Variants in PTBP2 observed in about 807,000 individuals in gnomAD.
PTBP2 encodes the protein polypyrimidine tract-binding protein 2.
Under a neutral mutation model 61.4 loss-of-function variants are expected in PTBP2, and 13 were observed. The ratio of observed to expected loss-of-function variants is 0.21; its 90% CI spans 0.14 to 0.34. The LOEUF (loss-of-function observed/expected upper bound fraction) is 0.34. Among genes scored for constraint, PTBP2 ranks in the 10% least tolerant of loss-of-function variants. The pLI, the probability that PTBP2 is intolerant of heterozygous loss-of-function variation, is 1.00. For missense variants in PTBP2, 405 were observed against 642.6 expected, an observed-to-expected ratio of 0.63 and a Z score of 4.00; for synonymous variants, 215 against 218.5, an observed-to-expected ratio of 0.98 and a Z score of 0.14.
At chr1:96,757,185 T>G (rs1321987347) in intron 3 of PTBP2, among the ~76,000 whole-genome samples, 2 of 152,168 alleles carry the variant, frequency 1.3e-5, no homozygotes, top group Non-Finnish European at 2.9e-5. Context: ...CAGACTTGAT[T>G]AAAAAGCAAG....
chr1:96,732,868 A>T (rs774765750), intron 2 of PTBP2, among the ~76,000 whole-genome samples: 5 of 152,190 alleles, frequency 3.3e-5, no homozygotes, highest in Non-Finnish European at 5.9e-5. Context: ...AACAGCTTGT[A>T]TATGGATATG....
intron 5 of PTBP2, among the ~76,000 whole-genome samples, chr1:96,777,251 TA>T (rs961466616): frequency 6.6e-6 from 1 of 152,188 alleles, no homozygotes; most frequent in African/African-American, 2.4e-5. Flanking sequence ...TTGTATTCTC[TA>T]AATTTCTGTT....
chr1:96,765,850 A>G (rs144481764), intron 3 of PTBP2, among the ~76,000 whole-genome samples: 173 of 152,322 alleles, frequency 1.1e-3, no homozygotes, highest in Non-Finnish European at 1.9e-3. Context: ...TGGGGAATGA[A>G]TGAGTAATCA....
intron 3 of PTBP2, among the ~76,000 whole-genome samples, chr1:96,760,311 A>G (rs1189946679): frequency 6.6e-6 from 1 of 152,174 alleles, no homozygotes; most frequent in Non-Finnish European, 1.5e-5. Context: ...AGTCAAAACC[A>G]TTAGAGATAG....
At chr1:96,738,218 A>G (rs781756095) in intron 2 of PTBP2, among the ~76,000 whole-genome samples, 5 of 144,910 alleles carry the variant, frequency 3.5e-5, no homozygotes, top group East Asian at 2.1e-4. Flanking sequence ...TAGTTCAACT[A>G]TTATAAAAAG....
intron 4 of PTBP2, among the ~76,000 whole-genome samples, chr1:96,770,287 C>G (rs2101011346): frequency 6.6e-6 from 1 of 151,868 alleles, no homozygotes; most frequent in Middle Eastern, 3.4e-3. Flanking sequence ...TTTAACACTC[C>G]CTTTTATATA....
intron 5 of PTBP2, among the ~76,000 whole-genome samples, chr1:96,774,831 T>TAG (rs1657840985): frequency 6.6e-6 from 1 of 152,202 alleles, no homozygotes; most frequent in Non-Finnish European, 1.5e-5. Context: ...CTTTCTGAGC[T>TAG]TACTACTTTT....
Position 96,770,734 on chromosome 1 carries a change from A to G in PTBP2, c.315A>G (p.Glu105=). 3 of 1,612,068 alleles carry G rather than the reference A, an allele frequency of 1.9e-6. No individual in the cohort carries two copies. ...CATTTTTGGAACTAGCAACCGAGGAAGCAGCTATTACTATGGTTAATTACT... is the reference window on the plus strand; with the variant it reads ...CATTTTTGGAACTAGCAACCGAGGAGGCAGCTATTACTATGGTTAATTACT... ...NQAFLELATE[E]AAITMVNYYS... Residue 105 remains glutamate, a synonymous_variant, in exon 5 of 14, where the codon GAA becomes GAG. Coordinates refer to ENST00000674951, the MANE Select transcript of PTBP2 (RefSeq NM_021190.4).
chr1:96,769,363 G>C (rs555462491), intron 3 of PTBP2, among the ~76,000 whole-genome samples: 5 of 152,106 alleles, frequency 3.3e-5, no homozygotes, highest in African/African-American at 1.2e-4. Context: ...CCAAAATGTA[G>C]TTATGTGGCA....
At chr1:96,779,360 C>T (rs1658396978) in intron 7 of PTBP2, among the ~76,000 whole-genome samples, 1 of 151,996 alleles carries the variant, frequency 6.6e-6, no homozygotes, top group Non-Finnish European at 1.5e-5. Flanking sequence ...ATTTTCCTTG[C>T]TCTTCTGACC....
chr1:96,800,151 A>G (rs1189495290), intron 8 of PTBP2, among the ~76,000 whole-genome samples: 1 of 152,198 alleles, frequency 6.6e-6, no homozygotes, highest in African/African-American at 2.4e-5. Flanking sequence ...ATCATTGGAC[A>G]TAATAGATTA....
intron 2 of PTBP2, among the ~76,000 whole-genome samples, chr1:96,738,034 C>G (rs930860369): frequency 6.6e-6 from 1 of 152,126 alleles, no homozygotes; most frequent in African/African-American, 2.4e-5. Context: ...GTTCCACTTT[C>G]CTTAACTTCT....
At chr1:96,779,879 C>G (rs1273243436) in intron 7 of PTBP2, among the ~76,000 whole-genome samples, 2 of 151,654 alleles carry the variant, frequency 1.3e-5, no homozygotes, top group Admixed American at 6.6e-5. Flanking sequence ...ATTACATAAT[C>G]TGACAATTGG....
At chr1:96,785,467 C>G (rs1570940158) in intron 8 of PTBP2, among the ~76,000 whole-genome samples, 1 of 152,108 alleles carries the variant, frequency 6.6e-6, no homozygotes, top group Non-Finnish European at 1.5e-5. Context: ...TAGTTTTGTT[C>G]CTTTTAATAC....
intron 2 of PTBP2, among the ~76,000 whole-genome samples, chr1:96,750,189 CCA>C (rs1239497885): frequency 4.6e-5 from 7 of 151,834 alleles, no homozygotes; most frequent in Non-Finnish European, 1.5e-5. Context: ...GGATTAGGGA[CCA>C]CACTTTGAGA....
At chr1:96,808,455 C>CT (rs1429689282) in intron 11 of PTBP2, among the ~76,000 whole-genome samples, 1 of 151,954 alleles carries the variant, frequency 6.6e-6, no homozygotes, top group Non-Finnish European at 1.5e-5. Context: ...TGTAAGGATC[C>CT]TAGTCCTGTT....
At chr1:96,726,971 C>T (rs1417226046) in intron 2 of PTBP2, among the ~76,000 whole-genome samples, 1 of 152,144 alleles carries the variant, frequency 6.6e-6, no homozygotes, top group East Asian at 1.9e-4. Flanking sequence ...TGTTTTATCT[C>T]ATATATACCC....
chr1:96,821,663 C>G (rs971314069), exon 14 of PTBP2: 4 of 152,062 alleles, frequency 2.6e-5, no homozygotes, highest in Admixed American at 2.6e-4. Flanking sequence ...CAGTCTTGCT[C>G]TGTCACCCAG....
In PTBP2 at chr1:96,814,634, T is replaced by C. The variant is rs1296763663; in HGVS notation, c.*1229T>C. On this transcript the variant is annotated 3_prime_UTR_variant, in exon 14 of 14. Coordinates refer to ENST00000674951, the MANE Select transcript of PTBP2 (RefSeq NM_021190.4). ...ATTCTGTTTAAATGACCAATACTTTTTGAAATTGATGTACTTAGTTTCAAG... is the reference window on the plus strand; with the variant it reads ...ATTCTGTTTAAATGACCAATACTTTCTGAAATTGATGTACTTAGTTTCAAG... 1.3e-5 allele frequency: 2 copies of C among 152,522 alleles called. No homozygotes were observed. The highest frequency in any genetic ancestry group is 2.9e-5 in the Non-Finnish European group (2 of 67,960). 9.4% of individuals were successfully genotyped at this position (152,522 alleles called of 1,614,324 possible). A position where few individuals can be genotyped will look rare whatever the true frequency, so the allele number is the denominator to read the frequency against.
Sources: gnomAD v4.1 joint callset for allele counts (sites outside exome capture counted in the v4.1 genomes callset) on GRCh38, gnomAD v4.1.1 for gene constraint, MANE v1.5 for transcripts, NCBI Gene and HGNC (gene_info 2026-07-23, HGNC 2026-07-21) for gene names.